The following VSNL1 variants were observed in gnomAD, a reference collection of about 807,000 sequenced individuals.
VSNL1 encodes visinin-like protein 1.
A neutral mutation model predicts 20.4 loss-of-function variants in VSNL1; 6 were observed. The ratio of observed to expected loss-of-function variants is 0.29; its 90% CI spans 0.16 to 0.58. The LOEUF is 0.58. Among genes scored for constraint, VSNL1 ranks in the 20% least tolerant of loss-of-function variants. The probability of loss-of-function intolerance (pLI) is 0.90; values close to 1 mark genes in which losing one functional copy is unlikely to be tolerated. For missense variants in VSNL1, 100 were observed against 234.5 expected, an observed-to-expected ratio of 0.43 and a Z score of 3.75; for synonymous variants, 93 against 86.4, an observed-to-expected ratio of 1.08 and a Z score of -0.42.
chr2:17,628,883 G>A (rs946555503), intron 2 of VSNL1, among the ~76,000 whole-genome samples: 1 of 152,306 alleles, frequency 6.6e-6, no homozygotes, highest in South Asian at 2.1e-4. Context: ...TCTTCTCTGA[G>A]GTGATCTCAT....
chr2:17,575,855 C>T (rs1043707233), intron 1 of VSNL1, among the ~76,000 whole-genome samples: 1 of 152,102 alleles, frequency 6.6e-6, no homozygotes, highest in African/African-American at 2.4e-5. Flanking sequence ...AATATCTTTA[C>T]AAGTTCTCAT....
intron 2 of VSNL1, among the ~76,000 whole-genome samples, chr2:17,603,376 G>C (rs972006889): frequency 1.3e-5 from 2 of 152,190 alleles, no homozygotes; most frequent in Non-Finnish European, 2.9e-5. Flanking sequence ...GCTCTCCGAG[G>C]CCTCTTTTAT....
intron 2 of VSNL1, among the ~76,000 whole-genome samples, chr2:17,612,332 C>T (rs1302030886): frequency 6.6e-6 from 1 of 152,286 alleles, no homozygotes; most frequent in Non-Finnish European, 1.5e-5. Context: ...AGCAGGGAGC[C>T]CCCCTCCCTA....
chr2:17,563,531 C>T (rs763339615), intron 1 of VSNL1, among the ~76,000 whole-genome samples: 1 of 152,032 alleles, frequency 6.6e-6, no homozygotes, highest in East Asian at 1.9e-4. Context: ...TTGAGAATTG[C>T]CTGTCTGCTA....
In VSNL1 at chr2:17,552,661, T is replaced by G. The variant is rs75601999; in HGVS notation, c.-6+11743T>G. ...AGTTTACATATATCCACAATAGTAT[T>G]AGCACAGCAAAAAAAATCACTTAAT... On this transcript the variant is annotated intron_variant, in intron 1 of 3. Transcript: ENST00000295156. 1.5e-3 allele frequency among the ~76,000 whole-genome samples: 232 copies of G among 152,268 alleles called. 2 individuals are homozygous for G. The highest frequency in any genetic ancestry group is 3.4e-3 in the Middle Eastern group (1 of 294).
At chr2:17,548,153 C>T (rs1449571440) in intron 1 of VSNL1, among the ~76,000 whole-genome samples, 3 of 152,078 alleles carry the variant, frequency 2.0e-5, no homozygotes, top group African/African-American at 4.8e-5. Context: ...AAGATACCTT[C>T]CAACTGCTCT....
At chr2:17,570,106 CT>C (rs1323312387) in intron 1 of VSNL1, among the ~76,000 whole-genome samples, 1 of 152,184 alleles carries the variant, frequency 6.6e-6, no homozygotes, top group African/African-American at 2.4e-5. Context: ...TGGTAGTTTT[CT>C]TCATGAAATA....
intron 2 of VSNL1, among the ~76,000 whole-genome samples, chr2:17,636,734 T>A (rs899853535): frequency 2.2e-5 from 3 of 139,534 alleles, no homozygotes; most frequent in South Asian, 2.3e-4. Context: ...TTTTTTTTTT[T>A]ACCTTTGTAA....
intron 1 of VSNL1, chr2:17,541,294 C>T (rs1342070852): frequency 6.6e-6 from 1 of 152,164 alleles, no homozygotes; most frequent in Non-Finnish European, 1.5e-5. Flanking sequence ...GAGTAGCAAC[C>T]TGTCATCCGT....
intron 2 of VSNL1, among the ~76,000 whole-genome samples, chr2:17,592,683 A>G (rs1664622921): frequency 9.3e-6 from 1 of 107,748 alleles, no homozygotes; most frequent in Non-Finnish European, 1.7e-5. Flanking sequence ...TTTTTTTACC[A>G]GAAAAGATAC....
intron 2 of VSNL1, among the ~76,000 whole-genome samples, chr2:17,618,579 C>T (rs900568523): frequency 2.6e-5 from 4 of 152,162 alleles, no homozygotes; most frequent in Non-Finnish European, 4.4e-5. Flanking sequence ...TTCAGGGGTT[C>T]GAATGTAGAC....
intron 1 of VSNL1, among the ~76,000 whole-genome samples, chr2:17,575,683 G>A (rs1317260087): frequency 6.6e-6 from 1 of 152,000 alleles, no homozygotes; most frequent in Non-Finnish European, 1.5e-5. Flanking sequence ...TTAGAGGCAT[G>A]CGCCACCATG....
chr2:17,611,986 A>G (rs955991444), intron 2 of VSNL1, among the ~76,000 whole-genome samples: 15 of 152,198 alleles, frequency 9.9e-5, no homozygotes, highest in African/African-American at 3.6e-4. Context: ...TGATACACAC[A>G]GAGGTGGGCA....
intron 1 of VSNL1, among the ~76,000 whole-genome samples, chr2:17,545,776 A>G (rs1663392773): frequency 6.6e-6 from 1 of 152,138 alleles, no homozygotes; most frequent in African/African-American, 2.4e-5. Flanking sequence ...AGGAATCTTC[A>G]AAGAGGTTTG....
chr2:17,584,173 T>A (rs973119871), intron 1 of VSNL1, among the ~76,000 whole-genome samples: 7 of 152,134 alleles, frequency 4.6e-5, no homozygotes, highest in African/African-American at 1.7e-4. Flanking sequence ...GCACACACTT[T>A]TTTTCCCTAC....
At chr2:17,591,515 G>A (rs1664593396) in intron 1 of VSNL1, among the ~76,000 whole-genome samples, 1 of 152,146 alleles carries the variant, frequency 6.6e-6, no homozygotes, top group Admixed American at 6.6e-5. Flanking sequence ...TAGAGAATTA[G>A]TGTGACTAAT....
chr2:17,573,850 G>C (rs541356122), intron 1 of VSNL1, among the ~76,000 whole-genome samples: 15 of 152,336 alleles, frequency 9.8e-5, no homozygotes, highest in African/African-American at 2.9e-4. Flanking sequence ...GAGAAAGCTT[G>C]TGTCTTCCCT....
intron 2 of VSNL1, among the ~76,000 whole-genome samples, chr2:17,640,947 T>G (rs1267947634): frequency 6.6e-6 from 1 of 152,242 alleles, no homozygotes; most frequent in Non-Finnish European, 1.5e-5. Flanking sequence ...AGCTGTAATT[T>G]TGTATCAAAT....
chr2:17,545,027 C>T (rs1422857066), intron 1 of VSNL1, among the ~76,000 whole-genome samples: 1 of 151,874 alleles, frequency 6.6e-6, no homozygotes, highest in African/African-American at 2.4e-5. Context: ...TTAAAGACAC[C>T]CCTACAATAT....
Sources: allele counts gnomAD v4.1 joint callset (sites outside exome capture counted in the v4.1 genomes callset), GRCh38; gene constraint gnomAD v4.1.1; transcripts MANE v1.5; gene names NCBI Gene and HGNC (gene_info 2026-07-23, HGNC 2026-07-21).